AXDND1: variants seen among roughly 807,000 people sequenced by gnomAD.
AXDND1 encodes the protein axonemal dynein light chain domain containing 1, also known as axonemal dynein light chain domain-containing protein 1.
A neutral mutation model predicts 137.5 loss-of-function variants in AXDND1; 110 were observed. The ratio of observed to expected loss-of-function variants is 0.80; its 90% CI spans 0.69 to 0.94. The LOEUF (loss-of-function observed/expected upper bound fraction) is 0.94, where lower values mean the gene tolerates loss of function less well. Ranked by LOEUF, AXDND1 falls within the 40% of genes least tolerant of loss-of-function variation. The pLI, the probability that AXDND1 is intolerant of heterozygous loss-of-function variation, is 0.00. For missense variants in AXDND1, 1,191 were observed against 1,169.8 expected (o/e 1.02, Z -0.26); for synonymous variants, 414 against 399.7 (o/e 1.04, Z -0.43).
At chr1:179,377,998 A>G (rs774757448) in intron 4 of AXDND1, among the ~76,000 whole-genome samples, 3 of 152,066 alleles carry the variant, frequency 2.0e-5, no homozygotes, top group South Asian at 4.1e-4. Flanking sequence ...GCAAAACCCC[A>G]TCTCTACTAA....
chr1:179,373,336 C>G (rs892768756), intron 4 of AXDND1, among the ~76,000 whole-genome samples: 1 of 152,140 alleles, frequency 6.6e-6, no homozygotes, highest in Non-Finnish European at 1.5e-5. Context: ...AGAACACAAA[C>G]AAATGGAAGA....
At chr1:179,515,102 A>AT (rs1464052861) in intron 21 of AXDND1, among the ~76,000 whole-genome samples, 1 of 151,970 alleles carries the variant, frequency 6.6e-6, no homozygotes, top group Non-Finnish European at 1.5e-5. Context: ...TCATCGTGCT[A>AT]TTTGTTGACT....
intron 17 of AXDND1, among the ~76,000 whole-genome samples, chr1:179,471,376 A>G (rs1268359629): frequency 6.6e-6 from 1 of 152,200 alleles, no homozygotes; most frequent in Non-Finnish European, 1.5e-5. Flanking sequence ...AATTGATTCA[A>G]TCTCTTCACT....
chr1:179,392,500 ATTG>A, intron 9 of AXDND1, among the ~76,000 whole-genome samples: 1 of 152,268 alleles, frequency 6.6e-6, no homozygotes. Flanking sequence ...CAGTAGTGGG[ATTG>A]TTAGATTGAA....
intron 8 of AXDND1, among the ~76,000 whole-genome samples, chr1:179,385,029 G>T (rs1030304037): frequency 2.6e-5 from 4 of 152,206 alleles, no homozygotes; most frequent in Admixed American, 6.5e-5. Flanking sequence ...CTCCCAAAGT[G>T]TTGGGATTAC....
chr1:179,389,354 C>G lies in AXDND1; in HGVS notation c.863+3995C>G, dbSNP rs150916827. Among the ~76,000 whole-genome samples the G allele has an allele frequency of 3.3e-3, 508 of 152,256 alleles. 4 individuals carry two copies. The highest frequency in any genetic ancestry group is 0.012 in the African/African-American group (485 of 41,548). ...CTGCTATTGGTTATTTCTTCTGAGT[C>G]TCATTCATGGTGGTTTATTTACATT... On this transcript the variant is annotated intron_variant, in intron 9 of 25. Transcript: ENST00000367618.
At chr1:179,460,194 C>T (rs893269326) in intron 16 of AXDND1, among the ~76,000 whole-genome samples, 1 of 151,954 alleles carries the variant, frequency 6.6e-6, no homozygotes, top group Non-Finnish European at 1.5e-5. Flanking sequence ...GCTCCCACCT[C>T]CCCCCACCCC....
intron 21 of AXDND1, among the ~76,000 whole-genome samples, chr1:179,518,147 A>G (rs1328913784): frequency 6.6e-6 from 1 of 152,216 alleles, no homozygotes; most frequent in East Asian, 1.9e-4. Context: ...AACTAAATGT[A>G]ATATGTCTCC....
intron 12 of AXDND1, among the ~76,000 whole-genome samples, chr1:179,412,307 C>CT (rs1654018064): frequency 6.6e-6 from 1 of 152,146 alleles, no homozygotes; most frequent in African/African-American, 2.4e-5. Flanking sequence ...ATTCTGACAA[C>CT]TGGGACTTCT....
rs1311816766 is a variant in AXDND1, at chr1:179,498,483, G to T, written c.2388+5532G>T. On this transcript the variant is annotated intron_variant, in intron 20 of 25. Coordinates refer to ENST00000367618, the MANE Select transcript of AXDND1 (RefSeq NM_144696.6). ...TAAGACATCAAACTATAAAAATCTG[G>T]GAAAACAAGACTGGAAAATATTCTT... Among the ~76,000 whole-genome samples, 2 of 151,946 alleles carry T rather than the reference G, an allele frequency of 1.3e-5. 1 individual carries two copies. The highest frequency in any genetic ancestry group is 2.9e-5 in the Non-Finnish European group (2 of 67,904).
chr1:179,435,288 A>G (rs1394212147), intron 15 of AXDND1, among the ~76,000 whole-genome samples: 1 of 152,228 alleles, frequency 6.6e-6, no homozygotes, highest in East Asian at 1.9e-4. Flanking sequence ...TATAGATTCA[A>G]TGCTTTTCCC....
intron 12 of AXDND1, among the ~76,000 whole-genome samples, chr1:179,421,814 G>A (rs1047024893): frequency 1.3e-5 from 2 of 151,546 alleles, no homozygotes; most frequent in African/African-American, 4.8e-5. Context: ...AGAGTGGGTG[G>A]ATCACCTGAG....
intron 25 of AXDND1, among the ~76,000 whole-genome samples, chr1:179,539,090 C>A (rs1289570689): frequency 2.0e-5 from 3 of 152,108 alleles, no homozygotes; most frequent in Admixed American, 6.5e-5. Context: ...TGTCTTTGCA[C>A]AGGAGATGGG....
intron 15 of AXDND1, among the ~76,000 whole-genome samples, chr1:179,444,278 G>A (rs1052737905): frequency 1.3e-5 from 2 of 151,928 alleles, no homozygotes; most frequent in Non-Finnish European, 1.5e-5. Flanking sequence ...TGTGGAAATC[G>A]AAGCCTAGGA....
chr1:179,552,825 C>G (rs1673513560), intron 25 of AXDND1: 1 of 705,678 alleles, frequency 1.4e-6, no homozygotes, highest in African/African-American at 1.7e-5. Context: ...TCCTAGACTT[C>G]TGAGGTCAAA....
In AXDND1 at chr1:179,472,012, A is replaced by G. The variant is rs546416339; in HGVS notation, c.1997+3371A>G. 2.6e-5 allele frequency among the ~76,000 whole-genome samples: 4 copies of G among 151,916 alleles called. No individual in the cohort carries two copies. The South Asian group carries it at 8.3e-4, about 32-fold the overall frequency. ...CAGATTCAAGCAATTCTCCTGCCTCAGCCTCCCGAGTAGCTGGGATTACCG... is the reference window on the plus strand; with the variant it reads ...CAGATTCAAGCAATTCTCCTGCCTCGGCCTCCCGAGTAGCTGGGATTACCG... On this transcript the variant is annotated intron_variant, in intron 17 of 25. Coordinates refer to ENST00000367618, the MANE Select transcript of AXDND1 (RefSeq NM_144696.6).
At chr1:179,420,237 A>G (rs1655465646) in intron 12 of AXDND1, among the ~76,000 whole-genome samples, 1 of 152,216 alleles carries the variant, frequency 6.6e-6, no homozygotes, top group Non-Finnish European at 1.5e-5. Context: ...AATGTGATGT[A>G]TCACATTTAT....
chr1:179,506,866 C>T, intron 20 of AXDND1: 2 of 985,474 alleles, frequency 2.0e-6, no homozygotes, highest in Non-Finnish European at 2.4e-6. Context: ...TTTGGTCCTC[C>T]AAAAGGACTA....
At chr1:179,413,129 A>G (rs563805832) in intron 12 of AXDND1, among the ~76,000 whole-genome samples, 2 of 152,222 alleles carry the variant, frequency 1.3e-5, no homozygotes, top group African/African-American at 4.8e-5. Flanking sequence ...ACAAATCCAC[A>G]CATGTTTAAT....
Sources: gnomAD v4.1 joint callset for allele counts (sites outside exome capture counted in the v4.1 genomes callset) on GRCh38, gnomAD v4.1.1 for gene constraint, MANE v1.5 for transcripts, NCBI Gene and HGNC (gene_info 2026-07-23, HGNC 2026-07-21) for gene names.